Variants in SLC35F4 observed in about 807,000 individuals in gnomAD.
SLC35F4 encodes chromosome 14 open reading frame 36.
Under a neutral mutation model 44.2 loss-of-function variants are expected in SLC35F4, and 24 were observed. That is an observed-to-expected ratio of 0.54 (90% confidence interval 0.39 to 0.76). The LOEUF is 0.76. SLC35F4 is among the 30% of genes least tolerant of loss of function. SLC35F4 has a pLI of 0.00. For missense variants in SLC35F4, 562 were observed against 586.1 expected, an observed-to-expected ratio of 0.96 and a Z score of 0.42; for synonymous variants, 238 against 223.6, an observed-to-expected ratio of 1.06 and a Z score of -0.57.
intron 1 of SLC35F4, chr14:57,629,829 G>T: frequency 1.5e-5 from 5 of 333,266 alleles, no homozygotes; most frequent in South Asian, 5.0e-5. Flanking sequence ...AGTGGGAGTG[G>T]AGGATCGGCA....
intron 1 of SLC35F4, among the ~76,000 whole-genome samples, chr14:57,878,287 A>G (rs1158835606): frequency 6.6e-6 from 1 of 152,034 alleles, no homozygotes; most frequent in Non-Finnish European, 1.5e-5. Context: ...AGCCTGGATT[A>G]CCACACAACT....
intron 1 of SLC35F4, among the ~76,000 whole-genome samples, chr14:57,641,945 G>C (rs1416525529): frequency 6.6e-6 from 1 of 151,966 alleles, no homozygotes; most frequent in Non-Finnish European, 1.5e-5. Context: ...TAAAGATTGA[G>C]TTACTTGGAT....
intron 1 of SLC35F4, among the ~76,000 whole-genome samples, chr14:57,782,378 T>C (rs1471927984): frequency 2.3e-5 from 3 of 130,446 alleles, no homozygotes; most frequent in South Asian, 2.2e-4. Flanking sequence ...CCTAGAAATA[T>C]CAAAAAAAAA....
At chr14:57,811,944 T>C (rs750968327) in intron 1 of SLC35F4, among the ~76,000 whole-genome samples, 3 of 152,190 alleles carry the variant, frequency 2.0e-5, no homozygotes, top group Non-Finnish European at 4.4e-5. Context: ...ATCATGCCAC[T>C]GCACTCCAGC....
chr14:57,867,111 G>A (rs1888188941), upstream of SLC35F4, among the ~76,000 whole-genome samples: 1 of 151,756 alleles, frequency 6.6e-6, no homozygotes, highest in South Asian at 2.1e-4. Flanking sequence ...GTGCAGAGCT[G>A]GCTTAAGACA....
chr14:57,791,276 A>T (rs541241146), intron 1 of SLC35F4, among the ~76,000 whole-genome samples: 1 of 152,312 alleles, frequency 6.6e-6, no homozygotes, highest in Non-Finnish European at 1.5e-5. Flanking sequence ...GGGAAGTTAA[A>T]CAAATTTACA....
At chr14:57,981,163 C>T (rs1229322803) in intron 1 of SLC35F4, among the ~76,000 whole-genome samples, 2 of 152,174 alleles carry the variant, frequency 1.3e-5, no homozygotes, top group African/African-American at 2.4e-5. Flanking sequence ...GCAAAAATGT[C>T]GCTGGTTTCT....
intron 3 of SLC35F4, among the ~76,000 whole-genome samples, chr14:57,584,616 A>G (rs1206544670): frequency 6.6e-6 from 1 of 152,184 alleles, no homozygotes; most frequent in Admixed American, 6.5e-5. Context: ...TATTTCAGAA[A>G]TGGTCAGCTT....
intron 1 of SLC35F4, among the ~76,000 whole-genome samples, chr14:57,651,522 C>A (rs1303338766): frequency 6.6e-6 from 1 of 152,054 alleles, no homozygotes; most frequent in Non-Finnish European, 1.5e-5. Flanking sequence ...TACCGAGAGT[C>A]CTCAGTTTCC....
intron 1 of SLC35F4, among the ~76,000 whole-genome samples, chr14:57,979,899 T>C (rs945376267): frequency 3.9e-5 from 6 of 152,230 alleles, no homozygotes; most frequent in Admixed American, 2.6e-4. Context: ...GGTCAGAGCA[T>C]TTACACCATG....
At chr14:57,662,329 T>A (rs181623489) in intron 1 of SLC35F4, among the ~76,000 whole-genome samples, 44 of 152,308 alleles carry the variant, frequency 2.9e-4, no homozygotes, top group African/African-American at 9.9e-4. Flanking sequence ...ATATAGTTGG[T>A]CCCAGCAAAA....
intron 1 of SLC35F4, among the ~76,000 whole-genome samples, chr14:57,769,175 A>G (rs1043660156): frequency 2.0e-5 from 3 of 152,124 alleles, no homozygotes; most frequent in Admixed American, 6.5e-5. Context: ...AGCTTTTCCT[A>G]ATAAGCCATT....
intron 3 of SLC35F4, among the ~76,000 whole-genome samples, chr14:57,584,414 G>A (rs1448424298): frequency 6.6e-6 from 1 of 152,110 alleles, no homozygotes; most frequent in Non-Finnish European, 1.5e-5. Flanking sequence ...TTCTTCCCTT[G>A]TTCAGTCATG....
intron 1 of SLC35F4, among the ~76,000 whole-genome samples, chr14:57,943,177 T>A (rs1471083001): frequency 1.3e-5 from 2 of 152,208 alleles, no homozygotes; most frequent in Admixed American, 6.5e-5. Context: ...CAGGGAGAGT[T>A]ACTATGACCT....
chr14:57,655,209 A>C (rs1037678013), intron 1 of SLC35F4, among the ~76,000 whole-genome samples: 1 of 152,096 alleles, frequency 6.6e-6, no homozygotes, highest in Non-Finnish European at 1.5e-5. Context: ...TTTTTTTAAA[A>C]AAAATACAAA....
At chr14:57,851,481 C>G (rs1394281045) in intron 1 of SLC35F4, among the ~76,000 whole-genome samples, 1 of 152,142 alleles carries the variant, frequency 6.6e-6, no homozygotes, top group African/African-American at 2.4e-5. Context: ...CACTGTTATA[C>G]ACTGTAAAAC....
At chr14:57,714,974 T>C (rs2075903423) in intron 1 of SLC35F4, among the ~76,000 whole-genome samples, 1 of 152,196 alleles carries the variant, frequency 6.6e-6, no homozygotes. Context: ...GGAGGAGGAT[T>C]CTTGCTCATT....
intron 1 of SLC35F4, among the ~76,000 whole-genome samples, chr14:57,851,003 G>C (rs1310986425): frequency 2.6e-5 from 4 of 152,144 alleles, no homozygotes; most frequent in African/African-American, 9.7e-5. Flanking sequence ...CTGCAAAAAA[G>C]CTAGTAGATC....
At position 57,569,835 on chromosome 14, in the gene SLC35F4, G is replaced by A; in HGVS notation, c.1079C>T (p.Ala360Val). The change falls in exon 6 of 8, where the codon GCT becomes GTT. Residue 360 changes from alanine to valine, a missense_variant. Physicochemically the swap from Ala to Val is moderately conservative, Grantham distance 64. Coordinates refer to ENST00000556826, the MANE Select transcript of SLC35F4 (RefSeq NM_001306087.2). ...FTKVEHWSSF[A>V]ALPWGCLCGM... ...ACAGAGACAGCCCCATGGCAGAGCA[G>A]CAAAAGAGGACCAGTGCTCCACCTT... 1 of 1,611,188 alleles carries A rather than the reference G, an allele frequency of 6.2e-7. No individual in the cohort carries two copies. Among genetic ancestry groups the A allele is most frequent in the Non-Finnish European group, 8.5e-7 (1 of 1,178,728 alleles).
Sources: gnomAD v4.1 joint callset for allele counts (sites outside exome capture counted in the v4.1 genomes callset) on GRCh38, gnomAD v4.1.1 for gene constraint, MANE v1.5 for transcripts, NCBI Gene and HGNC (gene_info 2026-07-23, HGNC 2026-07-21) for gene names.